Variants in ROBO2 observed in about 807,000 individuals in gnomAD.
The protein encoded by ROBO2 is roundabout homolog 2.
A neutral mutation model predicts 160.8 loss-of-function variants in ROBO2; 53 were observed. The ratio of observed to expected loss-of-function variants is 0.33; its 90% CI spans 0.26 to 0.41. The LOEUF is 0.41. ROBO2 is among the 10% of genes least tolerant of loss of function. The pLI is 1.00. For missense variants in ROBO2, 1,577 were observed against 1,722.4 expected, an observed-to-expected ratio of 0.92 and a Z score of 1.49; for synonymous variants, 664 against 611.7, an observed-to-expected ratio of 1.09 and a Z score of -1.26.
At chr3:76,520,332 T>TCC (rs1175841656) in intron 2 of ROBO2, among the ~76,000 whole-genome samples, 1 of 152,118 alleles carries the variant, frequency 6.6e-6, no homozygotes, top group Non-Finnish European at 1.5e-5. Context: ...GCACATGTAA[T>TCC]CCCAGTTACT....
intron 2 of ROBO2, among the ~76,000 whole-genome samples, chr3:77,369,382 G>T (rs1193251631): frequency 6.6e-6 from 1 of 152,206 alleles, no homozygotes; most frequent in Non-Finnish European, 1.5e-5. Context: ...TGTACAGGGT[G>T]CCCCTCCTGT....
exon 12 of ROBO2, chr3:77,564,960 A>G (rs2093436103): frequency 6.2e-7 from 1 of 1,613,194 alleles, no homozygotes; most frequent in Non-Finnish European, 8.5e-7. Context: ...TCAGCCAATC[A>G]GTGAGCAACA....
intron 2 of ROBO2, among the ~76,000 whole-genome samples, chr3:75,942,599 C>A (rs1948106423): frequency 6.6e-6 from 1 of 152,096 alleles, no homozygotes; most frequent in African/African-American, 2.4e-5. Flanking sequence ...ATATTCAACA[C>A]ATAAAACCCA....
chr3:76,739,697 A>G (rs2093771848), intron 2 of ROBO2, among the ~76,000 whole-genome samples: 1 of 152,142 alleles, frequency 6.6e-6, no homozygotes, highest in Non-Finnish European at 1.5e-5. Flanking sequence ...TCACCTGGTA[A>G]AGCACAGGGT....
chr3:76,244,655 A>G (rs1475287062), intron 2 of ROBO2, among the ~76,000 whole-genome samples: 2 of 152,186 alleles, frequency 1.3e-5, no homozygotes, highest in African/African-American at 2.4e-5. Flanking sequence ...AGAATAACAC[A>G]TTAGAAGAAG....
intron 2 of ROBO2, among the ~76,000 whole-genome samples, chr3:77,163,817 T>A (rs952891141): frequency 1.4e-4 from 22 of 152,132 alleles, no homozygotes; most frequent in South Asian, 4.1e-4. Context: ...TTACTTTTTT[T>A]AAAAAAAAAT....
At chr3:77,640,574 C>T (rs1021841060) in intron 24 of ROBO2, among the ~76,000 whole-genome samples, 3 of 151,780 alleles carry the variant, frequency 2.0e-5, no homozygotes, top group Non-Finnish European at 4.4e-5. Context: ...TACTTTGTGC[C>T]TTCATTTTCT....
intron 2 of ROBO2, among the ~76,000 whole-genome samples, chr3:77,194,084 G>A (rs1027872126): frequency 6.6e-6 from 1 of 152,158 alleles, no homozygotes; most frequent in South Asian, 2.1e-4. Flanking sequence ...AGACACCAAT[G>A]GGCATGAATA....
intron 2 of ROBO2, among the ~76,000 whole-genome samples, chr3:77,458,534 T>G (rs930403850): frequency 6.6e-6 from 1 of 151,982 alleles, no homozygotes; most frequent in Non-Finnish European, 1.5e-5. Context: ...AGAAGAAGAA[T>G]GTAACACTGA....
intron 2 of ROBO2, among the ~76,000 whole-genome samples, chr3:77,350,546 C>T (rs1412390021): frequency 6.6e-6 from 1 of 152,098 alleles, no homozygotes; most frequent in African/African-American, 2.4e-5. Flanking sequence ...TGCACAAAAG[C>T]AGGCTCTGAA....
chr3:77,106,352 A>T (rs1178239416), intron 2 of ROBO2, among the ~76,000 whole-genome samples: 1 of 152,178 alleles, frequency 6.6e-6, no homozygotes, highest in Non-Finnish European at 1.5e-5. Context: ...CTCTTACTAT[A>T]AATTTTTAAT....
chr3:76,108,804 CTAT>C (rs1270061978), intron 2 of ROBO2, among the ~76,000 whole-genome samples: 2 of 150,876 alleles, frequency 1.3e-5, no homozygotes, highest in Non-Finnish European at 3.0e-5. Context: ...TTTAAATTAA[CTAT>C]TATTTTGATT....
chr3:77,389,629 C>CT (rs896195306), intron 2 of ROBO2, among the ~76,000 whole-genome samples: 35 of 151,908 alleles, frequency 2.3e-4, no homozygotes, highest in African/African-American at 8.5e-4. Context: ...ATCTTCTTTC[C>CT]TTTTTTTCTT....
chr3:76,191,138 A>G (rs890785142), intron 2 of ROBO2, among the ~76,000 whole-genome samples: 4 of 152,158 alleles, frequency 2.6e-5, no homozygotes, highest in Non-Finnish European at 5.9e-5. Context: ...AGGAGAATCT[A>G]TAAGTGCAAA....
chr3:77,330,772 T>C (rs759602330), intron 2 of ROBO2, among the ~76,000 whole-genome samples: 3 of 152,228 alleles, frequency 2.0e-5, no homozygotes, highest in Admixed American at 6.5e-5. Context: ...CCACATTATA[T>C]GCACTTTGCT....
chr3:76,831,041 T>G (rs942488423), intron 2 of ROBO2, among the ~76,000 whole-genome samples: 4 of 152,104 alleles, frequency 2.6e-5, no homozygotes, highest in Non-Finnish European at 4.4e-5. Context: ...CACATTACAA[T>G]TAGAATTGCT....
chr3:77,494,991 A>C (rs768917111), intron 5 of ROBO2, among the ~76,000 whole-genome samples: 1 of 152,224 alleles, frequency 6.6e-6, no homozygotes, highest in African/African-American at 2.4e-5. Flanking sequence ...TATTAGTAGA[A>C]GAGGTTTGTA....
chr3:76,595,316 G>A (rs2108870884), intron 2 of ROBO2, among the ~76,000 whole-genome samples: 1 of 151,906 alleles, frequency 6.6e-6, no homozygotes, highest in South Asian at 2.1e-4. Context: ...AATAAAAACT[G>A]GAAAAGCATT....
intron 2 of ROBO2, among the ~76,000 whole-genome samples, chr3:77,291,264 G>C (rs1466920185): frequency 1.3e-5 from 2 of 151,988 alleles, no homozygotes. Context: ...AAACGGGTAA[G>C]CTGAGGCTAG....
Sources: gnomAD v4.1 joint callset for allele counts (sites outside exome capture counted in the v4.1 genomes callset) on GRCh38, gnomAD v4.1.1 for gene constraint, MANE v1.5 for transcripts, NCBI Gene and HGNC (gene_info 2026-07-23, HGNC 2026-07-21) for gene names.